The following WHR1 variants were observed in gnomAD, a reference collection of about 807,000 sequenced individuals.
WHR1 encodes the protein winged helix repair factor 1.
the WHR1 span, chr6:31,971,201 T>G: frequency 6.3e-7 from 1 of 1,585,794 alleles, no homozygotes; most frequent in Non-Finnish European, 8.6e-7. The surrounding 1 kb of genome is among the most constrained non-coding windows in gnomAD (Gnocchi z 4.5). Context: ...AGTGAGATGC[T>G]CCCCTCGAAG....
the WHR1 span, chr6:31,972,386 T>C: frequency 6.2e-7 from 1 of 1,612,822 alleles, no homozygotes; most frequent in Non-Finnish European, 8.5e-7. The surrounding 1 kb of genome is among the most constrained non-coding windows in gnomAD (Gnocchi z 6.3). Flanking sequence ...TCCTACCCCT[T>C]CCCCGGTACC....
the WHR1 span, chr6:31,972,084 T>A: frequency 6.2e-7 from 1 of 1,612,910 alleles, no homozygotes; most frequent in South Asian, 1.1e-5. This position sits in a 1 kb window ranked among gnomAD's most constrained non-coding sequence, Gnocchi z 6.3. Flanking sequence ...AGGTGTGAGC[T>A]TCACGAAGGA....
chr6:31,972,194 C>T, the WHR1 span: 1 of 1,611,914 alleles, frequency 6.2e-7, no homozygotes. The surrounding 1 kb of genome is among the most constrained non-coding windows in gnomAD (Gnocchi z 6.3). Context: ...GGCGTGGGGC[C>T]CGGCCTGGCG....
the WHR1 span, chr6:31,973,079 G>A: frequency 3.3e-6 from 2 of 605,914 alleles, no homozygotes; most frequent in Middle Eastern, 2.5e-4. Flanking sequence ...ACACTGAGGC[G>A]ATGGGCTGGT....
At chr6:31,977,013 C>G in the WHR1 span, among the ~76,000 whole-genome samples, 1 of 152,176 alleles carries the variant, frequency 6.6e-6, no homozygotes, top group African/African-American at 2.4e-5. Context: ...AGCTTCGGCT[C>G]GGCATCAGAG....
chr6:31,972,585 CCA>C, the WHR1 span: 1 of 1,598,608 alleles, frequency 6.3e-7, no homozygotes. The surrounding 1 kb of genome is among the most constrained non-coding windows in gnomAD (Gnocchi z 6.3). Flanking sequence ...CGTCCCCGCC[CCA>C]GTTCCCTGTC....
At chr6:31,972,097 T>C in the WHR1 span, 6 of 1,612,290 alleles carry the variant, frequency 3.7e-6, no homozygotes, top group African/African-American at 4.0e-5. This position sits in a 1 kb window ranked among gnomAD's most constrained non-coding sequence, Gnocchi z 6.3. Context: ...ACGAAGGAGG[T>C]TGACACCAAC....
chr6:31,971,233 G>C, the WHR1 span: 1 of 1,555,540 alleles, frequency 6.4e-7, no homozygotes, highest in Non-Finnish European at 8.7e-7. This position sits in a 1 kb window ranked among gnomAD's most constrained non-coding sequence, Gnocchi z 4.5. Context: ...TTCTTCTAAG[G>C]ACTGATTCTC....
At chr6:31,978,515 C>G in the WHR1 span, among the ~76,000 whole-genome samples, 2 of 152,180 alleles carry the variant, frequency 1.3e-5, no homozygotes, top group African/African-American at 4.8e-5. Flanking sequence ...GCTGTATTCT[C>G]GTAAACAGAA....
At chr6:31,978,668 A>G in the WHR1 span, among the ~76,000 whole-genome samples, 2 of 152,196 alleles carry the variant, frequency 1.3e-5, no homozygotes, top group African/African-American at 2.4e-5. Context: ...GGTCTTAGAA[A>G]TTATATTGAC....
the WHR1 span, chr6:31,979,797 A>C: frequency 8.3e-6 from 4 of 481,436 alleles, no homozygotes; most frequent in Non-Finnish European, 1.5e-5. Flanking sequence ...TATCAAAAGC[A>C]CACAGGGGCC....
chr6:31,972,148 G>A, the WHR1 span: 1 of 1,612,936 alleles, frequency 6.2e-7, no homozygotes, highest in Non-Finnish European at 8.5e-7. The surrounding 1 kb of genome is among the most constrained non-coding windows in gnomAD (Gnocchi z 6.3). Flanking sequence ...CGAGTCCCCG[G>A]GCGTGCGTGC....
the WHR1 span, chr6:31,979,493 A>T: frequency 6.2e-7 from 1 of 1,612,616 alleles, no homozygotes; most frequent in Non-Finnish European, 8.5e-7. Context: ...GCCTGTGGGG[A>T]CCTTAGTTTC....
chr6:31,978,116 C>T, the WHR1 span, among the ~76,000 whole-genome samples: 1 of 152,194 alleles, frequency 6.6e-6, no homozygotes, highest in African/African-American at 2.4e-5. Context: ...GTGGTAATTC[C>T]TGTTATCCTG....
At chr6:31,977,338 ATTT>A in the WHR1 span, among the ~76,000 whole-genome samples, 56 of 127,430 alleles carry the variant, frequency 4.4e-4, no homozygotes, top group African/African-American at 1.6e-3. Context: ...CGCCCAGCTA[ATTT>A]TTTTTTTTTT....
At chr6:31,972,854 C>G in the WHR1 span, 20 of 1,573,804 alleles carry the variant, frequency 1.3e-5, no homozygotes, top group African/African-American at 2.6e-4. This position sits in a 1 kb window ranked among gnomAD's most constrained non-coding sequence, Gnocchi z 6.3. Context: ...AAGCATTAGG[C>G]CTTTCAGGCG....
At chr6:31,979,336 G>T in the WHR1 span, 1 of 1,584,040 alleles carries the variant, frequency 6.3e-7, no homozygotes, top group South Asian at 1.1e-5. Flanking sequence ...AAGACAGGAA[G>T]AGAAATGCTG....
chr6:31,980,228 A>G, the WHR1 span: 1 of 508,998 alleles, frequency 2.0e-6, no homozygotes, highest in Non-Finnish European at 3.5e-6. Context: ...GAAAAGAAAA[A>G]GTGGAGGGAG....
At chr6:31,975,436 C>T in the WHR1 span, among the ~76,000 whole-genome samples, 5 of 151,912 alleles carry the variant, frequency 3.3e-5, no homozygotes, top group Non-Finnish European at 5.9e-5. Flanking sequence ...CTCCTGACCT[C>T]GTGATCTGCC....
Sources: allele counts gnomAD v4.1 joint callset (sites outside exome capture counted in the v4.1 genomes callset), GRCh38; gene constraint gnomAD v4.1.1; non-coding constraint Gnocchi (gnomAD v3.1); transcripts MANE v1.5; gene names NCBI Gene and HGNC (gene_info 2026-07-23, HGNC 2026-07-21).